Variants in APBA1 observed in about 807,000 individuals in gnomAD.
The protein encoded by APBA1 is amyloid beta precursor protein binding family A member 1, also known as amyloid-beta A4 precursor protein-binding family A member 1.
APBA1 carries 55 observed loss-of-function variants against 86.6 expected under a neutral mutation model. The ratio of observed to expected loss-of-function variants is 0.64; its 90% confidence interval spans 0.51 to 0.80. The LOEUF is 0.80. Ranked by LOEUF, APBA1 falls within the 30% of genes least tolerant of loss-of-function variation. The pLI is 0.00. For synonymous variants in APBA1, 511 were observed against 493.9 expected, an observed-to-expected ratio of 1.03 and a Z score of -0.46; for missense variants, 1,090 against 1,183.0, an observed-to-expected ratio of 0.92 and a Z score of 1.15.
At chr9:69,664,708 T>G (rs763257090) in intron 1 of APBA1, among the ~76,000 whole-genome samples, 1 of 152,194 alleles carries the variant, frequency 6.6e-6, no homozygotes, top group African/African-American at 2.4e-5. Flanking sequence ...CATATTCAAG[T>G]TGACATAAAG....
intron 1 of APBA1, among the ~76,000 whole-genome samples, chr9:69,631,580 C>A (rs1588402418): frequency 6.6e-6 from 1 of 152,218 alleles, no homozygotes; most frequent in Non-Finnish European, 1.5e-5. Flanking sequence ...GATTATAAAT[C>A]ATGCTGCTAT....
Position 69,430,304 on chromosome 9 carries a change from G to A in APBA1, c.*1023C>T, listed in dbSNP as rs12347567. 8,448 of 152,224 alleles carry A rather than the reference G, an allele frequency of 0.055. 804 individuals carry two copies. Among genetic ancestry groups the A allele is most frequent in the African/African-American group, 0.19 (7,922 of 41,436 alleles). The allele number at this position is 152,224 out of a possible 1,614,324, so 9.4% of individuals were successfully genotyped here. ...TCCCAGACTCCTGGGATGTGTGTTC[G>A]GCAGGGAGGGGAGTCCAGGAGGAGG... On this transcript the variant is annotated 3_prime_UTR_variant, in exon 13 of 13. Coordinates refer to ENST00000265381, the MANE Select transcript of APBA1 (RefSeq NM_001163.4).
At chr9:69,650,160 T>C (rs1413072127) in intron 1 of APBA1, among the ~76,000 whole-genome samples, 1 of 152,222 alleles carries the variant, frequency 6.6e-6, no homozygotes. Flanking sequence ...TGTCACCTAC[T>C]GGCTGTGCTA....
chr9:69,487,603 A>C (rs1034754954), intron 2 of APBA1, among the ~76,000 whole-genome samples: 4 of 152,000 alleles, frequency 2.6e-5, no homozygotes, highest in Admixed American at 2.6e-4. Context: ...GGATTGATGC[A>C]TTCAAGGATT....
chr9:69,449,360 G>A (rs1275672800), intron 10 of APBA1, among the ~76,000 whole-genome samples: 2 of 152,176 alleles, frequency 1.3e-5, no homozygotes, highest in East Asian at 1.9e-4. Context: ...AGTGTCATGT[G>A]AACCAAATAC....
At chr9:69,468,054 C>CCTCA in intron 4 of APBA1, 86 bp from the exon 5 acceptor site, 2 of 1,526,622 alleles carry the variant, frequency 1.3e-6, no homozygotes, top group Non-Finnish European at 8.9e-7. Context: ...CTCTCCCATG[C>CCTCA]CTCACTGCTG....
chr9:69,475,682 C>G (rs1046175038), intron 3 of APBA1, among the ~76,000 whole-genome samples: 1 of 152,182 alleles, frequency 6.6e-6, no homozygotes, highest in African/African-American at 2.4e-5. Flanking sequence ...GCATGTAACG[C>G]CAGGAGGAAA....
rs1246879486 is a variant in APBA1 at position 69,516,852 on chromosome 9, A to G, written c.359T>C (p.Val120Ala). The G allele has an allele frequency of 6.2e-7, 1 of 1,602,032 alleles. No homozygotes were observed. Among genetic ancestry groups the G allele is most frequent in the Non-Finnish European group, 8.5e-7 (1 of 1,178,582 alleles). Residue 120 changes from valine (V) to alanine (A), a missense_variant, in exon 2 of 13, where the codon GTG (valine) becomes GCG (alanine). This residue lies in a region of APBA1 where 678 missense variants were observed against 647.1 expected (regional missense o/e 1.05). Transcript: ENST00000265381. This position sits in a 1 kb window ranked among gnomAD's most constrained non-coding sequence, Gnocchi z 7.3. Reference sequence around the variant, plus strand: ...CTCCTCGGCCTCGGGCCGGTACTGCACAGCATAGGCGCTCTCGTCCTCGGG... The same window carrying G: ...CTCCTCGGCCTCGGGCCGGTACTGCGCAGCATAGGCGCTCTCGTCCTCGGG... ...QDPEDESAYA[V>A]QYRPEAEEYT...
chr9:69,523,521 A>ATATG (rs1564066228), intron 1 of APBA1, among the ~76,000 whole-genome samples: 8 of 64,132 alleles, frequency 1.2e-4, no homozygotes, highest in Non-Finnish European at 2.2e-4. Context: ...ATATATATAT[A>ATATG]TATATATATA....
chr9:69,666,100 T>C (rs1262199152), intron 1 of APBA1, among the ~76,000 whole-genome samples: 3 of 152,192 alleles, frequency 2.0e-5, no homozygotes, highest in Non-Finnish European at 4.4e-5. Flanking sequence ...TCAGCCCAAA[T>C]ACAGTAGATG....
intron 1 of APBA1, among the ~76,000 whole-genome samples, chr9:69,656,932 G>A (rs974006570): frequency 6.7e-6 from 1 of 148,314 alleles, no homozygotes. Context: ...TGCAAGCTCC[G>A]CTTCCCGGGT....
chr9:69,644,341 T>C (rs962860988), intron 1 of APBA1, among the ~76,000 whole-genome samples: 12 of 152,310 alleles, frequency 7.9e-5, no homozygotes, highest in African/African-American at 2.9e-4. Context: ...CCACAGTCCA[T>C]ATATCTCCAC....
intron 1 of APBA1, among the ~76,000 whole-genome samples, chr9:69,642,691 A>G (rs909018425): frequency 7.9e-5 from 12 of 152,032 alleles, no homozygotes; most frequent in African/African-American, 2.9e-4. Context: ...TCATTTGCAG[A>G]TGAAGGTTTT....
At chr9:69,609,956 A>T (rs1456891383) in intron 1 of APBA1, among the ~76,000 whole-genome samples, 1 of 152,098 alleles carries the variant, frequency 6.6e-6, no homozygotes, top group African/African-American at 2.4e-5. Flanking sequence ...GAGCCACCAC[A>T]TTGGACCTTT....
At chr9:69,585,417 C>T (rs1436410589) in intron 1 of APBA1, among the ~76,000 whole-genome samples, 4 of 152,154 alleles carry the variant, frequency 2.6e-5, no homozygotes, top group Admixed American at 1.3e-4. Context: ...GGTGTGTGCC[C>T]GCTTCCTTCA....
intron 1 of APBA1, among the ~76,000 whole-genome samples, chr9:69,639,151 C>T (rs748771820): frequency 2.2e-4 from 34 of 152,100 alleles, no homozygotes; most frequent in Non-Finnish European, 3.8e-4. Context: ...GACATTTTTT[C>T]GGCATTATTT....
chr9:69,551,869 G>A (rs1298422588), intron 1 of APBA1, among the ~76,000 whole-genome samples: 1 of 152,148 alleles, frequency 6.6e-6, no homozygotes, highest in Non-Finnish European at 1.5e-5. Flanking sequence ...ACAGTTGCAG[G>A]CTTTCTCTTT....
intron 2 of APBA1, among the ~76,000 whole-genome samples, chr9:69,492,970 C>G (rs558934455): frequency 6.6e-6 from 1 of 151,990 alleles, no homozygotes; most frequent in South Asian, 2.1e-4. Flanking sequence ...AGTAATTTCA[C>G]GTATGTAGAA....
At chr9:69,624,087 T>C (rs1822880103) in intron 1 of APBA1, among the ~76,000 whole-genome samples, 2 of 152,202 alleles carry the variant, frequency 1.3e-5, no homozygotes, top group African/African-American at 4.8e-5. Flanking sequence ...GGATTCCGAA[T>C]ATGAAATAAA....
Sources: gnomAD v4.1 joint callset for allele counts (sites outside exome capture counted in the v4.1 genomes callset) on GRCh38, gnomAD v4.1.1 for gene constraint, gnomAD v4.1.1 regional missense constraint, Gnocchi (gnomAD v3.1) non-coding constraint, MANE v1.5 for transcripts, NCBI Gene and HGNC (gene_info 2026-07-23, HGNC 2026-07-21) for gene names.